GRM3: variants seen among roughly 807,000 people sequenced by gnomAD.
GRM3 encodes the protein glutamate metabotropic receptor 3.
GRM3 carries 26 observed loss-of-function variants against 70.5 expected under a neutral mutation model. The observed-to-expected ratio is 0.37, with a 90% CI of 0.27 to 0.51. The LOEUF is 0.51. Among genes scored for constraint, GRM3 ranks in the 20% least tolerant of loss-of-function variants. GRM3 has a pLI of 0.93. For missense variants in GRM3, 859 were observed against 1,123.8 expected, an observed-to-expected ratio of 0.76 and a Z score of 3.37; for synonymous variants, 443 against 434.9, an observed-to-expected ratio of 1.02 and a Z score of -0.23.
At chr7:86,703,105 G>T (rs1456595957) in intron 1 of GRM3, among the ~76,000 whole-genome samples, 2 of 151,476 alleles carry the variant, frequency 1.3e-5, no homozygotes, top group Admixed American at 6.6e-5. Flanking sequence ...ATATGTTGGG[G>T]TTTTTTTTCC....
chr7:86,659,786 A>C (rs1252479264), intron 1 of GRM3, among the ~76,000 whole-genome samples: 1 of 152,064 alleles, frequency 6.6e-6, no homozygotes, highest in Non-Finnish European at 1.5e-5. Context: ...TCATGATAAT[A>C]ATTACATTTT....
chr7:86,764,089 A>T (rs1266345853), intron 1 of GRM3, among the ~76,000 whole-genome samples: 1 of 152,118 alleles, frequency 6.6e-6, no homozygotes, highest in African/African-American at 2.4e-5. Context: ...GAGAAGATCC[A>T]TTCATAGACA....
chr7:86,655,846 G>T (rs1263216033), intron 1 of GRM3, among the ~76,000 whole-genome samples: 6 of 135,056 alleles, frequency 4.4e-5, no homozygotes, highest in Non-Finnish European at 6.4e-5. Flanking sequence ...GTGTGTGTGT[G>T]TGTGTGGGTG....
rs545854118 is a variant in GRM3, at chr7:86,817,168, T to G, written c.1325-21671T>G. 2.0e-5 allele frequency among the ~76,000 whole-genome samples: 3 copies of G among 151,966 alleles called. No homozygotes were observed. The South Asian group carries it at 6.2e-4, about 32-fold the overall frequency. ...GATTTAACTTTAAGCTTCTTCATTA[T>G]CCAATAATTATCACAATAATTTAAA... On this transcript the variant is annotated intron_variant, in intron 3 of 5. Coordinates refer to ENST00000361669, the MANE Select transcript of GRM3 (RefSeq NM_000840.3).
intron 1 of GRM3, among the ~76,000 whole-genome samples, chr7:86,712,757 T>C (rs1190390881): frequency 6.6e-6 from 1 of 152,062 alleles, no homozygotes; most frequent in African/African-American, 2.4e-5. Flanking sequence ...GTTTGTCTTA[T>C]TTTACTTAAC....
chr7:86,759,890 T>C (rs1386008237), intron 1 of GRM3, among the ~76,000 whole-genome samples: 3 of 152,156 alleles, frequency 2.0e-5, no homozygotes, highest in Non-Finnish European at 4.4e-5. Flanking sequence ...ATATCTCCTA[T>C]TAAAAATGCC....
At chr7:86,699,774 G>C (rs939187851) in intron 1 of GRM3, among the ~76,000 whole-genome samples, 1 of 151,924 alleles carries the variant, frequency 6.6e-6, no homozygotes, top group African/African-American at 2.4e-5. Context: ...AAAGTTCATT[G>C]CAGAGAAAAA....
intron 3 of GRM3, among the ~76,000 whole-genome samples, chr7:86,791,039 A>G (rs1255462299): frequency 1.3e-5 from 2 of 152,182 alleles, no homozygotes; most frequent in Non-Finnish European, 2.9e-5. Context: ...AGAAATCATT[A>G]TCAATTTTGT....
intron 1 of GRM3, among the ~76,000 whole-genome samples, chr7:86,649,426 T>C (rs1793554070): frequency 6.6e-6 from 1 of 152,142 alleles, no homozygotes; most frequent in Non-Finnish European, 1.5e-5. Context: ...AGAAATAAAC[T>C]TGGAAAACAT....
chr7:86,674,366 G>A (rs1335711504), intron 1 of GRM3, among the ~76,000 whole-genome samples: 1 of 152,042 alleles, frequency 6.6e-6, no homozygotes, highest in East Asian at 1.9e-4. Context: ...AAGAGAAAGA[G>A]AACAAAGAAG....
chr7:86,842,364 C>T (rs1042049171), intron 4 of GRM3, among the ~76,000 whole-genome samples: 1 of 152,058 alleles, frequency 6.6e-6, no homozygotes, highest in African/African-American at 2.4e-5. Flanking sequence ...AAACGTAAGC[C>T]CAAATTCCCA....
chr7:86,686,746 G>T (rs1794578219), intron 1 of GRM3, among the ~76,000 whole-genome samples: 2 of 151,964 alleles, frequency 1.3e-5, no homozygotes, highest in Non-Finnish European at 2.9e-5. Flanking sequence ...AACATACAAG[G>T]CTTGCTAAAA....
chr7:86,759,389 T>C (rs1055792389), intron 1 of GRM3, among the ~76,000 whole-genome samples: 1 of 152,188 alleles, frequency 6.6e-6, no homozygotes, highest in Non-Finnish European at 1.5e-5. Context: ...ATAATGTCAT[T>C]TTGAAAATGA....
intron 1 of GRM3, among the ~76,000 whole-genome samples, chr7:86,722,716 G>A (rs978256686): frequency 5.3e-5 from 8 of 151,990 alleles, no homozygotes; most frequent in East Asian, 1.9e-4. Flanking sequence ...TAACCTGCAC[G>A]TTCTGCAGAT....
chr7:86,644,895 T>G, intron 1 of GRM3, 23 bp downstream of exon 1: 1 of 1,250,852 alleles, frequency 8.0e-7, no homozygotes, highest in South Asian at 1.2e-5. Context: ...GAGGAGGACG[T>G]GTCCCTCTGG....
intron 1 of GRM3, among the ~76,000 whole-genome samples, chr7:86,684,052 A>ATT (rs111537366): frequency 2.0e-5 from 3 of 149,324 alleles, no homozygotes; most frequent in African/African-American, 7.4e-5. Context: ...TTTGCTGGGG[A>ATT]TTTTTTTTTT....
chr7:86,648,981 G>A (rs1304494241), intron 1 of GRM3, among the ~76,000 whole-genome samples: 1 of 152,128 alleles, frequency 6.6e-6, no homozygotes, highest in Admixed American at 6.6e-5. Flanking sequence ...ACCAGAGGGA[G>A]GTGAATCAGC....
chr7:86,710,001 A>G (rs900864571), intron 1 of GRM3: 9 of 152,054 alleles, frequency 5.9e-5, no homozygotes, highest in South Asian at 2.1e-4. Flanking sequence ...CTTGCTATTA[A>G]AAAATGGAGC....
chr7:86,861,996 A>G (rs1463539583), intron 5 of GRM3, among the ~76,000 whole-genome samples: 2 of 152,208 alleles, frequency 1.3e-5, no homozygotes, highest in Non-Finnish European at 2.9e-5. Flanking sequence ...TCTAGAGGTG[A>G]GTGAAACTGA....
Sources: gnomAD v4.1 joint callset for allele counts (sites outside exome capture counted in the v4.1 genomes callset) on GRCh38, gnomAD v4.1.1 for gene constraint, MANE v1.5 for transcripts, NCBI Gene and HGNC (gene_info 2026-07-23, HGNC 2026-07-21) for gene names.